Variants in SRSF3 observed in about 807,000 individuals in gnomAD.
SRSF3 encodes serine and arginine rich splicing factor 3.
For missense variants in SRSF3, 58 were observed against 217.1 expected (o/e 0.27, Z 4.61); for synonymous variants, 87 against 73.6 (o/e 1.18, Z -0.93).
At chr6:36,601,014 T>C (rs1778706289) in intron 3 of SRSF3, 138 bp from the exon 4 acceptor site, 5 of 314,836 alleles carry the variant, frequency 1.6e-5, no homozygotes, top group Non-Finnish European at 2.1e-5. Context: ...TTTTTTTTTT[T>C]TTTTTTTTTT....
rs1479422239 is a variant in SRSF3 at position 36,604,425 on chromosome 6, A to G, written c.*2436A>G. The G allele has an allele frequency of 5.1e-6, 1 of 195,914 alleles. No homozygotes were observed. The highest frequency in any genetic ancestry group is 1.1e-5 in the Non-Finnish European group (1 of 94,298). The allele number at this position is 195,914 out of a possible 1,614,324, so 12.1% of individuals were successfully genotyped here. A position where few individuals can be genotyped will look rare whatever the true frequency, so the allele number is the denominator to read the frequency against. ...GGAGTTGGAGACCAGTCTGCCCAACATGGCAAGATTCACATTTCTATTAAA... is the reference window on the plus strand; with the variant it reads ...GGAGTTGGAGACCAGTCTGCCCAACGTGGCAAGATTCACATTTCTATTAAA... On this transcript the variant is annotated 3_prime_UTR_variant, in exon 6 of 6. Coordinates refer to ENST00000373715, the MANE Select transcript of SRSF3 (RefSeq NM_003017.5).
rs377627108 is a variant in SRSF3, at chr6:36,597,803, C to CTTT, written c.206+849_206+851dup. ...TGTATTAAGGGTGAGGAATAATGGT[C>CTTT]TTTTTTTTTTTTTTTTACTACTGTG... On this transcript the variant is annotated intron_variant, in intron 2 of 5. Transcript: ENST00000373715. Among the ~76,000 whole-genome samples, 249 of 131,236 alleles carry CTTT rather than the reference C, an allele frequency of 1.9e-3. 4 individuals carry two copies. The highest frequency in any genetic ancestry group is 6.0e-3 in the African/African-American group (213 of 35,580). 86.1% of individuals were successfully genotyped at this position (131,236 alleles called of 152,430 possible). A position where few individuals can be genotyped will look rare whatever the true frequency, so the allele number is the denominator to read the frequency against.
At chr6:36,601,935 G>A in intron 5 of SRSF3, 27 bp from the exon 6 acceptor site, 3 of 1,318,558 alleles carry the variant, frequency 2.3e-6, no homozygotes, top group Non-Finnish European at 1.9e-6. Flanking sequence ...GTAATGTTTT[G>A]TTTTCTTTTT....
rs922201733 is a variant in SRSF3 at position 36,605,534 on chromosome 6, T to C, written c.*3545T>C. On this transcript the variant is annotated 3_prime_UTR_variant, in exon 6 of 6. Coordinates refer to ENST00000373715, the MANE Select transcript of SRSF3 (RefSeq NM_003017.5). ...TTTTGGTAAGCCTAGTATAATTGAT[T>C]AGTTTTGTCCATGCAACTTTCCCCT... 3 of 152,158 alleles carry C rather than the reference T, an allele frequency of 2.0e-5. No homozygotes were observed. Among genetic ancestry groups the C allele is most frequent in the Non-Finnish European group, 4.4e-5 (3 of 68,032 alleles). 9.4% of individuals were successfully genotyped at this position (152,158 alleles called of 1,614,324 possible).
chr6:36,601,940 CTTTTTTTT>C lies in SRSF3; in HGVS notation c.468-10_468-3del, dbSNP rs778276944. ...AGTTACAGATGTAATGTTTTGTTTT[CTTTTTTTT>C]TTTTTTTTTTTAGTCGATCTAGGTC... On this transcript the variant is annotated splice_polypyrimidine_tract_variant and intron_variant, in intron 5 of 5. Coordinates refer to ENST00000373715, the MANE Select transcript of SRSF3 (RefSeq NM_003017.5). 11 of 1,433,162 alleles carry C rather than the reference CTTTTTTTT, an allele frequency of 7.7e-6. No homozygotes were observed. The highest frequency in any genetic ancestry group is 1.7e-5 in the African/African-American group (1 of 59,412). 88.8% of individuals were successfully genotyped at this position (1,433,162 alleles called of 1,614,324 possible). A position where few individuals can be genotyped will look rare whatever the true frequency, so the allele number is the denominator to read the frequency against.
Position 36,598,650 on chromosome 6 carries a change from G to A in SRSF3, c.207-199G>A, listed in dbSNP as rs1239298160. 5 of 559,252 alleles carry A rather than the reference G, an allele frequency of 8.9e-6. No individual in the cohort carries two copies. The East Asian group carries it at 9.5e-5, about 11-fold the overall frequency. The allele number at this position is 559,252 out of a possible 1,614,324, so 34.6% of individuals were successfully genotyped here. On this transcript the variant is annotated intron_variant, in intron 2 of 5. Coordinates refer to ENST00000373715, the MANE Select transcript of SRSF3 (RefSeq NM_003017.5). ...GCCTGCCTCGGCCTCATAAAGTGTT[G>A]GGATTACAGGCGTGTACCACCGTGC...
At chr6:36,597,265 G>A (rs890218730) in intron 2 of SRSF3, 2 of 381,802 alleles carry the variant, frequency 5.2e-6, no homozygotes, top group Non-Finnish European at 9.6e-6. Context: ...GCCATCATGC[G>A]GGGCTGATTT....
intron 2 of SRSF3, among the ~76,000 whole-genome samples, chr6:36,597,570 G>C (rs1778651619): frequency 6.6e-6 from 1 of 152,104 alleles, no homozygotes; most frequent in Admixed American, 6.6e-5. Flanking sequence ...CCTGTTAGCT[G>C]GCTGAGTAAG....
intron 2 of SRSF3, among the ~76,000 whole-genome samples, chr6:36,598,170 TAATG>T (rs1778663087): frequency 1.3e-5 from 2 of 152,278 alleles, no homozygotes; most frequent in South Asian, 2.1e-4. Context: ...GAAGAAATCA[TAATG>T]AAGATACAGG....
chr6:36,601,569 C>T, intron 4 of SRSF3, 139 bp from the exon 5 acceptor site: 1 of 766,444 alleles, frequency 1.3e-6, no homozygotes, highest in Non-Finnish European at 2.1e-6. Flanking sequence ...TTCTCAAACT[C>T]TTGGCTTCAA....
At position 36,602,367 on chromosome 6, in the gene SRSF3, T is replaced by C. The variant is rs1778732056; in HGVS notation, c.*378T>C. ...AATTGAACTAAGATTTACTTTTTTT[T>C]CCATAGCTGGGATATAGGCTGCAGC... On this transcript the variant is annotated 3_prime_UTR_variant, in exon 6 of 6. Transcript: ENST00000373715. 1 of 252,746 alleles carries C rather than the reference T, an allele frequency of 4.0e-6. No individual in the cohort carries two copies. Among genetic ancestry groups the C allele is most frequent in the Non-Finnish European group, 7.6e-6 (1 of 132,112 alleles). 15.7% of individuals were successfully genotyped at this position (252,746 alleles called of 1,614,324 possible). A position where few individuals can be genotyped will look rare whatever the true frequency, so the allele number is the denominator to read the frequency against.
rs758628822 is a variant in SRSF3 at position 36,605,505 on chromosome 6, T to A, written c.*3516T>A. On this transcript the variant is annotated 3_prime_UTR_variant, in exon 6 of 6. Transcript: ENST00000373715. ...TTCGTCTCCAAAAAAAAAAAAAAAG[T>A]TTGTTTTGGTAAGCCTAGTATAATT... The A allele has an allele frequency of 6.6e-6, 1 of 151,102 alleles. No homozygotes were observed. The highest frequency in any genetic ancestry group is 1.5e-5 in the Non-Finnish European group (1 of 67,790). 9.4% of individuals were successfully genotyped at this position (151,102 alleles called of 1,614,324 possible).
At position 36,601,203 on chromosome 6, in the gene SRSF3, C is replaced by T. The variant is rs941050957; in HGVS notation, c.380+13C>T. 3 of 1,612,896 alleles carry T rather than the reference C, an allele frequency of 1.9e-6. No homozygotes were observed. Among genetic ancestry groups the T allele is most frequent in the Non-Finnish European group, 2.5e-6 (3 of 1,179,562 alleles). On this transcript the variant is annotated intron_variant, in intron 4 of 5. Transcript: ENST00000373715. ...GCAGCCGGAGCAGGTAAATGACTAC[C>T]TTTTTTGGCTACGTTCTTAGAAATG...
intron 3 of SRSF3, chr6:36,599,601 T>G (rs1321716371): frequency 4.4e-5 from 15 of 342,484 alleles, no homozygotes; most frequent in Non-Finnish European, 8.6e-5. Flanking sequence ...CAAAATAGTT[T>G]CTATAGGACT....
In SRSF3 at chr6:36,599,955, G is replaced by A. The variant is rs1039881088; in HGVS notation, c.341+972G>A. The A allele has an allele frequency of 4.1e-5, 54 of 1,324,574 alleles. No homozygotes were observed. The South Asian group carries it at 5.9e-4, about 14-fold the overall frequency. The allele number at this position is 1,324,574 out of a possible 1,614,324, so 82.1% of individuals were successfully genotyped here. Reference sequence around the variant, plus strand: ...TTCACATGACCCAGGCTGGCCAGTCGTCAGGTTGCACCGCCCTTTGGTTCC... The same window carrying A: ...TTCACATGACCCAGGCTGGCCAGTCATCAGGTTGCACCGCCCTTTGGTTCC... On this transcript the variant is annotated intron_variant, in intron 3 of 5. Transcript: ENST00000373715.
chr6:36,596,728 A>G (rs1383705242), intron 1 of SRSF3, 33 bp from the exon 2 acceptor site: 3 of 1,582,496 alleles, frequency 1.9e-6, no homozygotes, highest in Non-Finnish European at 2.6e-6. Context: ...AGATGTTTAG[A>G]TGAATGAATA....
At chr6:36,597,457 T>C (rs1778649600) in intron 2 of SRSF3, among the ~76,000 whole-genome samples, 1 of 152,136 alleles carries the variant, frequency 6.6e-6, no homozygotes, top group South Asian at 2.1e-4. Context: ...TTTAAAAAAT[T>C]GTTTACAAAA....
rs572992891 is a variant in SRSF3, at chr6:36,604,675, A to T, written c.*2686A>T. The stretch of plus-strand genomic sequence containing the variant: ...GGCTTTCACACAAACCCATATGTGG[A>T]TGGAAAATCCAGGTTATTACTACAT... On this transcript the variant is annotated 3_prime_UTR_variant, in exon 6 of 6. Coordinates refer to ENST00000373715, the MANE Select transcript of SRSF3 (RefSeq NM_003017.5). 6.3e-6 allele frequency: 1 copy of T among 159,802 alleles called. No individual in the cohort carries two copies. The highest frequency in any genetic ancestry group is 2.0e-4 in the South Asian group (1 of 4,890). 9.9% of individuals were successfully genotyped at this position (159,802 alleles called of 1,614,324 possible). A position where few individuals can be genotyped will look rare whatever the true frequency, so the allele number is the denominator to read the frequency against.
At position 36,603,847 on chromosome 6, in the gene SRSF3, GTA is replaced by G. The variant is rs1270952643; in HGVS notation, c.*1862_*1863del. 1 of 231,482 alleles carries G rather than the reference GTA, an allele frequency of 4.3e-6. No individual in the cohort carries two copies. The highest frequency in any genetic ancestry group is 8.5e-6 in the Non-Finnish European group (1 of 117,068). The allele number at this position is 231,482 out of a possible 1,614,324, so 14.3% of individuals were successfully genotyped here. The stretch of plus-strand genomic sequence containing the variant: ...CAACTTATGTGGGCATTTTTGGGCA[GTA>G]TATGACTTCCTTGCAGGCTCTTAAG... On this transcript the variant is annotated 3_prime_UTR_variant, in exon 6 of 6. Coordinates refer to ENST00000373715, the MANE Select transcript of SRSF3 (RefSeq NM_003017.5).
Sources: gnomAD v4.1 joint callset for allele counts (sites outside exome capture counted in the v4.1 genomes callset) on GRCh38, gnomAD v4.1.1 for gene constraint, MANE v1.5 for transcripts, NCBI Gene and HGNC (gene_info 2026-07-23, HGNC 2026-07-21) for gene names.